The following CCDC73 variants were observed in gnomAD, a reference collection of about 807,000 sequenced individuals.
CCDC73 encodes the protein coiled-coil domain containing 73.
CCDC73 carries 95 observed loss-of-function variants against 116.5 expected under a neutral mutation model. The observed-to-expected ratio is 0.82, with a 90% confidence interval of 0.69 to 0.97. The LOEUF is 0.97. Among genes scored for constraint, CCDC73 ranks in the 50% least tolerant of loss-of-function variants. The probability of loss-of-function intolerance (pLI) is 0.00; values close to 1 mark genes in which losing one functional copy is unlikely to be tolerated. For synonymous variants in CCDC73, 398 were observed against 401.3 expected, an observed-to-expected ratio of 0.99 and a Z score of 0.10; for missense variants, 1,066 against 1,206.8, an observed-to-expected ratio of 0.88 and a Z score of 1.73.
chr11:32,752,443 G>A (rs9943472), intron 2 of CCDC73, among the ~76,000 whole-genome samples: 1 of 151,916 alleles, frequency 6.6e-6, no homozygotes, highest in Non-Finnish European at 1.5e-5. Context: ...CAGACTTAAT[G>A]ATCGTGAAAT....
At position 32,757,099 on chromosome 11, in the gene CCDC73, T is replaced by TA. The variant is rs1264510422; in HGVS notation, c.135+3009dup. Among the ~76,000 whole-genome samples the TA allele has an allele frequency of 3.3e-5, 5 of 152,194 alleles. No homozygotes were observed. In the East Asian group the frequency reaches 9.6e-4, roughly 29 times the overall value. ...AACTATGGTACATTTATATTATAGA[T>TA]ACTATTCAATGATAAAAACGAACTG... On this transcript the variant is annotated intron_variant, in intron 2 of 17. Transcript: ENST00000335185.
At chr11:32,634,467 C>A (rs949296818) in intron 14 of CCDC73, among the ~76,000 whole-genome samples, 1 of 152,126 alleles carries the variant, frequency 6.6e-6, no homozygotes, top group Non-Finnish European at 1.5e-5. Context: ...GATAAAAACT[C>A]ATTTGTGATA....
chr11:32,640,570 TG>T (rs551109939), intron 13 of CCDC73, among the ~76,000 whole-genome samples: 221 of 152,334 alleles, frequency 1.5e-3, no homozygotes, highest in African/African-American at 5.1e-3. Flanking sequence ...AACATTACTA[TG>T]CTTGTTGCCT....
At chr11:32,635,546 C>CA (rs1176115323) in intron 14 of CCDC73, 150 bp downstream of exon 14, 1 of 658,056 alleles carries the variant, frequency 1.5e-6, no homozygotes, top group Non-Finnish European at 2.0e-6. Flanking sequence ...ATACTGTATA[C>CA]AAAAATTAAC....
At chr11:32,730,769 TA>T (rs969639544) in intron 2 of CCDC73, among the ~76,000 whole-genome samples, 5 of 152,176 alleles carry the variant, frequency 3.3e-5, no homozygotes, top group Admixed American at 3.3e-4. Context: ...AATTAGCTGC[TA>T]AATCTATTGA....
At chr11:32,761,959 A>C (rs1259401787) in intron 1 of CCDC73, among the ~76,000 whole-genome samples, 1 of 152,204 alleles carries the variant, frequency 6.6e-6, no homozygotes, top group Non-Finnish European at 1.5e-5. Flanking sequence ...TTTTCTCTTA[A>C]GGCCTTCAAC....
chr11:32,614,377 T>TA lies in CCDC73; in HGVS notation c.1940dup (p.Leu647PhefsTer6), dbSNP rs1241398834. On this transcript the variant is annotated frameshift_variant, in exon 16 of 18. Coordinates refer to ENST00000335185, the MANE Select transcript of CCDC73 (RefSeq NM_001008391.4). LOFTEE classifies it high-confidence loss of function. The stretch of plus-strand genomic sequence containing the variant: ...CTAACATAACATTACTTGAATTCCG[T>TA]AAACTATATTTCTGACATGGAACAG... 6.2e-7 allele frequency: 1 copy of TA among 1,612,778 alleles called. No homozygotes were observed. The highest frequency in any genetic ancestry group is 1.7e-5 in the Admixed American group (1 of 59,858).
chr11:32,749,150 C>T (rs1412520582), intron 2 of CCDC73, among the ~76,000 whole-genome samples: 1 of 152,076 alleles, frequency 6.6e-6, no homozygotes, highest in African/African-American at 2.4e-5. Context: ...TCTCTCTCTA[C>T]GTCCTCTTTA....
chr11:32,667,611 T>A (rs972375894), intron 9 of CCDC73, among the ~76,000 whole-genome samples: 9 of 152,112 alleles, frequency 5.9e-5, no homozygotes, highest in Non-Finnish European at 1.2e-4. Flanking sequence ...TGCACTTCCC[T>A]GGTGAGGCGA....
At chr11:32,781,226 T>A (rs1850580844) in intron 1 of CCDC73, among the ~76,000 whole-genome samples, 1 of 152,192 alleles carries the variant, frequency 6.6e-6, no homozygotes, top group Non-Finnish European at 1.5e-5. Context: ...GGACTCAGAG[T>A]CTTCTAATTA....
In CCDC73 at chr11:32,635,701, AC is replaced by A. The variant is rs1473707699; in HGVS notation, c.1179del (p.Lys393AsnfsTer8). 3 of 1,304,094 alleles carry A rather than the reference AC, an allele frequency of 2.3e-6. No homozygotes were observed. Among genetic ancestry groups the A allele is most frequent in the Non-Finnish European group, 3.0e-6 (3 of 1,010,076 alleles). 80.8% of individuals were successfully genotyped at this position (1,304,094 alleles called of 1,614,324 possible). On this transcript the variant is annotated frameshift_variant, in exon 14 of 18. Coordinates refer to ENST00000335185, the MANE Select transcript of CCDC73 (RefSeq NM_001008391.4). LOFTEE classifies it high-confidence loss of function. ...ACAACATACTTAAATTTTACCTGAA[AC>A]TTTTTGTCTTCCTCAAATGTTTTTT... is the stretch of plus-strand genomic sequence containing the variant. ...CNQKTFEEDK[K>X]FQNVPEVNNE...
intron 1 of CCDC73, among the ~76,000 whole-genome samples, chr11:32,764,108 C>T (rs1457520318): frequency 1.3e-5 from 2 of 152,078 alleles, no homozygotes; most frequent in Non-Finnish European, 2.9e-5. Context: ...AAATATGGGA[C>T]GATGTGAAAA....
chr11:32,749,765 T>C (rs759105113), intron 2 of CCDC73, among the ~76,000 whole-genome samples: 1 of 152,092 alleles, frequency 6.6e-6, no homozygotes, highest in Non-Finnish European at 1.5e-5. Context: ...CCAATAACGA[T>C]GTAGTTCTTG....
the CCDC73 span, among the ~76,000 whole-genome samples, chr11:32,815,636 TTA>T: frequency 6.6e-6 from 1 of 152,228 alleles, no homozygotes; most frequent in Admixed American, 6.5e-5. Flanking sequence ...AAACTGTGTG[TTA>T]TGTTTCCTTT....
At chr11:32,789,070 C>T (rs1850651157) in intron 1 of CCDC73, among the ~76,000 whole-genome samples, 1 of 152,036 alleles carries the variant, frequency 6.6e-6, no homozygotes, top group Admixed American at 6.6e-5. Context: ...GTATCTAGTG[C>T]AATTCTAGCT....
chr11:32,645,065 A>T (rs111964861), intron 12 of CCDC73, among the ~76,000 whole-genome samples: 25 of 151,912 alleles, frequency 1.6e-4, no homozygotes, highest in African/African-American at 5.1e-4. Flanking sequence ...TAAATATTAT[A>T]AAAAAAACTA....
At position 32,773,199 on chromosome 11, in the gene CCDC73, T is replaced by A. The variant is rs536051584; in HGVS notation, c.-15-12941A>T. Among the ~76,000 whole-genome samples, 288 of 152,250 alleles carry A rather than the reference T, an allele frequency of 1.9e-3. 1 individual carries two copies. Among genetic ancestry groups the A allele is most frequent in the African/African-American group, 6.8e-3 (284 of 41,540 alleles). The stretch of plus-strand genomic sequence containing the variant: ...AGGCCACATATTTAATGATTCAACA[T>A]ATATGAAATGTCCAGAATAAGCAAA... On this transcript the variant is annotated intron_variant, in intron 1 of 17. Transcript: ENST00000335185.
chr11:32,666,745 G>C (rs936030268), intron 9 of CCDC73, among the ~76,000 whole-genome samples: 2 of 152,194 alleles, frequency 1.3e-5, no homozygotes, highest in Non-Finnish European at 2.9e-5. Context: ...CTGATGTTTA[G>C]AATTTTCAGC....
intron 9 of CCDC73, among the ~76,000 whole-genome samples, chr11:32,659,264 A>G (rs185675658): frequency 1.7e-3 from 259 of 152,282 alleles, no homozygotes; most frequent in African/African-American, 5.7e-3. Context: ...GAAGAACCCA[A>G]TGTGTGACCT....
Sources: gnomAD v4.1 joint callset for allele counts (sites outside exome capture counted in the v4.1 genomes callset) on GRCh38, gnomAD v4.1.1 for gene constraint, MANE v1.5 for transcripts, NCBI Gene and HGNC (gene_info 2026-07-23, HGNC 2026-07-21) for gene names.